GNG4: variants seen among roughly 807,000 people sequenced by gnomAD.
GNG4 encodes the protein guanine nucleotide-binding protein G(I)/G(S)/G(O) subunit gamma-4.
Under a neutral mutation model 5.8 loss-of-function variants are expected in GNG4, and 4 were observed. The ratio of observed to expected loss-of-function variants is 0.69; its 90% confidence interval spans 0.34 to 1.57. The LOEUF (loss-of-function observed/expected upper bound fraction) is 1.57, where lower values mean the gene tolerates loss of function less well. Ranked by LOEUF, GNG4 falls within the 40% of genes most tolerant of loss-of-function variation. The pLI is 0.06. For synonymous variants in GNG4, 29 were observed against 32.9 expected, an observed-to-expected ratio of 0.88 and a Z score of 0.41; for missense variants, 96 against 95.1, an observed-to-expected ratio of 1.01 and a Z score of -0.04.
At chr1:235,575,146 C>T (rs1687446463) in intron 3 of GNG4, among the ~76,000 whole-genome samples, 1 of 152,106 alleles carries the variant, frequency 6.6e-6, no homozygotes. Context: ...TCTTTGATGT[C>T]AGTATCTTTC....
chr1:235,579,311 C>T (rs528828359), intron 3 of GNG4, among the ~76,000 whole-genome samples: 1 of 151,998 alleles, frequency 6.6e-6, no homozygotes, highest in Non-Finnish European at 1.5e-5. Context: ...TATGTCAAAA[C>T]TTCATGTTGT....
intron 1 of GNG4, among the ~76,000 whole-genome samples, chr1:235,645,030 C>T (rs565344376): frequency 2.0e-5 from 3 of 152,302 alleles, no homozygotes; most frequent in South Asian, 2.1e-4. Context: ...AAGGGTAACA[C>T]GTAGCCCTTT....
intron 1 of GNG4, among the ~76,000 whole-genome samples, chr1:235,630,393 C>G (rs752543905): frequency 1.3e-5 from 2 of 152,206 alleles, no homozygotes; most frequent in Non-Finnish European, 2.9e-5. Flanking sequence ...CAGCCTGTGA[C>G]TCAACTACTT....
At chr1:235,566,947 T>C (rs2102923466) in intron 3 of GNG4, 1 of 152,104 alleles carries the variant, frequency 6.6e-6, no homozygotes, top group East Asian at 1.9e-4. Context: ...TTTAAAGTAT[T>C]ATTATTATTA....
chr1:235,552,354 G>T, intron 3 of GNG4, 117 bp from the exon 4 acceptor site: 1 of 907,498 alleles, frequency 1.1e-6, no homozygotes, highest in South Asian at 1.5e-5. Context: ...TTGTGTGCAC[G>T]GCCTACAACA....
At chr1:235,631,242 G>T (rs1473680036) in intron 1 of GNG4, among the ~76,000 whole-genome samples, 1 of 152,106 alleles carries the variant, frequency 6.6e-6, no homozygotes, top group Non-Finnish European at 1.5e-5. Flanking sequence ...TCTTTGTCTT[G>T]CTTCCAAGAA....
intron 1 of GNG4, among the ~76,000 whole-genome samples, chr1:235,618,236 G>T (rs934680535): frequency 2.0e-5 from 3 of 152,204 alleles, no homozygotes; most frequent in Non-Finnish European, 4.4e-5. Context: ...GCAGCCCAGT[G>T]ATTATGCTAC....
chr1:235,628,774 G>A (rs986520170), intron 1 of GNG4, among the ~76,000 whole-genome samples: 2 of 152,210 alleles, frequency 1.3e-5, no homozygotes, highest in African/African-American at 4.8e-5. Flanking sequence ...GCAGGTGCTA[G>A]GTGGTGGCCC....
At chr1:235,619,391 T>C (rs2102975329) in intron 1 of GNG4, among the ~76,000 whole-genome samples, 1 of 151,924 alleles carries the variant, frequency 6.6e-6, no homozygotes, top group South Asian at 2.1e-4. Flanking sequence ...AGCAAGACTG[T>C]CTCAGGGAAA....
At chr1:235,600,689 T>C (rs113965845) in intron 1 of GNG4, among the ~76,000 whole-genome samples, 4,743 of 152,182 alleles carry the variant, frequency 0.031, 238 homozygotes, top group African/African-American at 0.1. Flanking sequence ...TCCCAAAGCA[T>C]TGGGATTACA....
At chr1:235,573,289 A>G (rs553498122) in intron 3 of GNG4, among the ~76,000 whole-genome samples, 2 of 137,924 alleles carry the variant, frequency 1.5e-5, no homozygotes, top group Non-Finnish European at 3.1e-5. Context: ...TCGCTTGGGC[A>G]CAGGATAGGG....
At chr1:235,638,496 T>C (rs1412969062) in intron 1 of GNG4, among the ~76,000 whole-genome samples, 1 of 144,606 alleles carries the variant, frequency 6.9e-6, no homozygotes, top group Non-Finnish European at 1.5e-5. Context: ...TTTTTTTTTT[T>C]TAACATTTTA....
At chr1:235,616,400 G>T in intron 1 of GNG4, 1 of 294,096 alleles carries the variant, frequency 3.4e-6, no homozygotes, top group East Asian at 1.0e-4. Context: ...GATTGGGTAG[G>T]GCCCTGCCAG....
chr1:235,611,652 A>G (rs1688476373), intron 1 of GNG4, among the ~76,000 whole-genome samples: 1 of 152,280 alleles, frequency 6.6e-6, no homozygotes, highest in Middle Eastern at 3.4e-3. Context: ...GTTTTTTAGC[A>G]TATTTGAGAA....
At chr1:235,622,555 A>G (rs1688731536) in intron 1 of GNG4, among the ~76,000 whole-genome samples, 1 of 152,034 alleles carries the variant, frequency 6.6e-6, no homozygotes, top group African/African-American at 2.4e-5. Context: ...CTCTACTAAA[A>G]ATACAAAAAT....
At chr1:235,595,887 A>G (rs1688110511) in intron 1 of GNG4, among the ~76,000 whole-genome samples, 1 of 148,960 alleles carries the variant, frequency 6.7e-6, no homozygotes, top group South Asian at 2.1e-4. Context: ...AAAAATATAC[A>G]CTTGGGGCCG....
chr1:235,580,744 T>G (rs867574112), intron 3 of GNG4, among the ~76,000 whole-genome samples: 5,785 of 133,792 alleles, frequency 0.043, 452 homozygotes, highest in African/African-American at 0.18. Context: ...ATCCCGTTTT[T>G]TGTTTTTTTT....
intron 3 of GNG4, among the ~76,000 whole-genome samples, chr1:235,579,259 ATACAT>A (rs1268982153): frequency 6.6e-6 from 1 of 152,164 alleles, no homozygotes; most frequent in East Asian, 1.9e-4. Flanking sequence ...GAGAGAATAC[ATACAT>A]TAAATGGCTT....
intron 3 of GNG4, among the ~76,000 whole-genome samples, chr1:235,572,004 T>A (rs1341094018): frequency 6.6e-6 from 1 of 151,760 alleles, no homozygotes; most frequent in African/African-American, 2.4e-5. Flanking sequence ...CAGCTTACTT[T>A]TTTGAATTTT....
Sources: allele counts gnomAD v4.1 joint callset (sites outside exome capture counted in the v4.1 genomes callset), GRCh38; gene constraint gnomAD v4.1.1; transcripts MANE v1.5; gene names NCBI Gene and HGNC (gene_info 2026-07-23, HGNC 2026-07-21).